CFAP251: variants seen among roughly 807,000 people sequenced by gnomAD.
CFAP251 encodes cilia- and flagella-associated protein 251.
Under a neutral mutation model 126.7 loss-of-function variants are expected in CFAP251, and 93 were observed. The observed-to-expected ratio is 0.73, with a 90% CI of 0.62 to 0.87. The LOEUF is 0.87. Ranked by LOEUF, CFAP251 falls within the 40% of genes least tolerant of loss-of-function variation. The pLI, the probability that CFAP251 is intolerant of heterozygous loss-of-function variation, is 0.00. For missense variants in CFAP251, 1,287 were observed against 1,389.2 expected, an observed-to-expected ratio of 0.93 and a Z score of 1.17; for synonymous variants, 503 against 506.9, an observed-to-expected ratio of 0.99 and a Z score of 0.10.
Position 121,918,939 on chromosome 12 carries a change from G to A in CFAP251, c.-21+244G>A, listed in dbSNP as rs1880034457. Reference sequence around the variant, plus strand: ...GCGGCTCGAACCCGGCTGTCCAGACGCGCCGGCGAAGTTGGGCTCAGTCAA... The same window carrying A: ...GCGGCTCGAACCCGGCTGTCCAGACACGCCGGCGAAGTTGGGCTCAGTCAA... On this transcript the variant is annotated intron_variant, in intron 1 of 21. Coordinates refer to ENST00000288912, the MANE Select transcript of CFAP251 (RefSeq NM_144668.6). This position sits in a 1 kb window ranked among gnomAD's most constrained non-coding sequence, Gnocchi z 4.3. Among the ~76,000 whole-genome samples the A allele has an allele frequency of 1.3e-5, 2 of 152,082 alleles. No homozygotes were observed. Among genetic ancestry groups the A allele is most frequent in the Non-Finnish European group, 2.9e-5 (2 of 68,008 alleles).
intron 1 of CFAP251, 114 bp from the exon 2 acceptor site, chr12:121,921,172 C>T: frequency 8.5e-7 from 1 of 1,181,484 alleles, no homozygotes; most frequent in Non-Finnish European, 1.2e-6. Flanking sequence ...TCTTTTTATT[C>T]CTATGGAAAG....
intron 10 of CFAP251, among the ~76,000 whole-genome samples, 171 bp from the exon 11 acceptor site, chr12:121,956,903 G>A (rs1426581147): frequency 6.6e-6 from 1 of 152,084 alleles, no homozygotes; most frequent in African/African-American, 2.4e-5. Context: ...CTCTCTGAAA[G>A]TTAGTTTCCT....
chr12:121,964,472 T>C (rs1882054026), intron 15 of CFAP251, among the ~76,000 whole-genome samples: 2 of 152,154 alleles, frequency 1.3e-5, no homozygotes, highest in African/African-American at 4.8e-5. Flanking sequence ...AGTCATTCAC[T>C]GGAGGAAAGA....
chr12:121,942,816 G>A, intron 6 of CFAP251, 79 bp from the exon 7 acceptor site: 1 of 1,502,364 alleles, frequency 6.7e-7, no homozygotes, highest in Non-Finnish European at 9.3e-7. Context: ...TGAAGTTTTG[G>A]GGTCACCACA....
At chr12:121,992,226 G>A (rs1882892790) in intron 19 of CFAP251, 2 of 985,304 alleles carry the variant, frequency 2.0e-6, no homozygotes, top group Non-Finnish European at 2.4e-6. Flanking sequence ...CCAGCTCCGA[G>A]GTTCCTCTCC....
At position 121,975,240 on chromosome 12, in the gene CFAP251, C is replaced by T; in HGVS notation, c.2772-4C>T. On this transcript the variant is annotated splice_region_variant and splice_polypyrimidine_tract_variant and intron_variant, in intron 17 of 21. Transcript: ENST00000288912. Reference sequence around the variant, plus strand: ...TAATAGAGACATTTCTGTTGTTGTTCCAGTGTCCTGGAGGCAGCGGTTTCT... The same window carrying T: ...TAATAGAGACATTTCTGTTGTTGTTTCAGTGTCCTGGAGGCAGCGGTTTCT... The T allele has an allele frequency of 1.2e-6, 2 of 1,613,522 alleles. No individual in the cohort carries two copies. Among genetic ancestry groups the T allele is most frequent in the Non-Finnish European group, 1.7e-6 (2 of 1,179,668 alleles).
chr12:121,962,238 T>C lies in CFAP251; in HGVS notation c.2492+76T>C, dbSNP rs576511768. On this transcript the variant is annotated intron_variant, in intron 15 of 21. Coordinates refer to ENST00000288912, the MANE Select transcript of CFAP251 (RefSeq NM_144668.6). ...CCCCAACCTGTTTCAGGTCTCCACA[T>C]AGGGACCTGCAGGCAGCTTGGCTAC... The C allele has an allele frequency of 7.0e-4, 976 of 1,401,938 alleles. 1 individual carries two copies. The highest frequency in any genetic ancestry group is 8.4e-4 in the Non-Finnish European group (859 of 1,017,426). 86.8% of individuals were successfully genotyped at this position (1,401,938 alleles called of 1,614,324 possible). A position where few individuals can be genotyped will look rare whatever the true frequency, so the allele number is the denominator to read the frequency against.
chr12:122,001,684 G>A, intron 21 of CFAP251, 86 bp downstream of exon 21: 2 of 1,008,618 alleles, frequency 2.0e-6, no homozygotes, highest in South Asian at 1.3e-5. Context: ...CCTGATCGGT[G>A]CAAGCCACTC....
At chr12:121,928,638 G>GTA (rs57700530) in intron 3 of CFAP251, among the ~76,000 whole-genome samples, 405 of 33,348 alleles carry the variant, frequency 0.012, 17 homozygotes, top group Middle Eastern at 0.053. Flanking sequence ...ATATATATAC[G>GTA]TATATATATA....
At chr12:121,939,447 A>G (rs189633554) in intron 5 of CFAP251, among the ~76,000 whole-genome samples, 2 of 152,302 alleles carry the variant, frequency 1.3e-5, no homozygotes, top group Non-Finnish European at 2.9e-5. Flanking sequence ...CAGAAGGGTC[A>G]GAGTCCTTCA....
intron 3 of CFAP251, among the ~76,000 whole-genome samples, chr12:121,926,965 C>T (rs1207988075): frequency 6.6e-6 from 1 of 152,018 alleles, no homozygotes; most frequent in African/African-American, 2.4e-5. Context: ...CAAACAAAAA[C>T]TATTCAGGAT....
chr12:121,998,960 A>C (rs1163770637), intron 19 of CFAP251: 1 of 140,996 alleles, frequency 7.1e-6, no homozygotes, highest in Admixed American at 7.2e-5. Context: ...TTTTTTTCTG[A>C]TCTTAGGAGG....
intron 3 of CFAP251, among the ~76,000 whole-genome samples, chr12:121,928,622 A>ATG (rs79395212): frequency 2.5e-4 from 13 of 52,558 alleles, no homozygotes; most frequent in African/African-American, 9.2e-4. Context: ...TTTTATGTAT[A>ATG]TGTGTATATA....
Position 121,966,970 on chromosome 12 carries a change from G to C in CFAP251, c.2508G>C (p.Gly836=). The part of the protein sequence containing the change: ...TTKMCRKTLL[G]PAYGSPIEQT... The stretch of plus-strand genomic sequence containing the variant: ...TTGCCTTCAGAAAGACGCTTCTGGG[G>C]CCAGCTTATGGTTCCCCTATTGAGC... The change falls in exon 16 of 22, where the codon GGG becomes GGC. Residue 836 remains glycine (G), a synonymous_variant. Transcript: ENST00000288912. 1 of 1,614,132 alleles carries C rather than the reference G, an allele frequency of 6.2e-7. No homozygotes were observed. Among genetic ancestry groups the C allele is most frequent in the Non-Finnish European group, 8.5e-7 (1 of 1,180,006 alleles).
intron 7 of CFAP251, among the ~76,000 whole-genome samples, chr12:121,943,288 C>T (rs2948663): frequency 6.6e-6 from 1 of 152,008 alleles, no homozygotes; most frequent in African/African-American, 2.4e-5. Flanking sequence ...ACTCCAGCCT[C>T]GGTGACAAAG....
At chr12:122,001,746 A>G in intron 21 of CFAP251, 148 bp downstream of exon 21, 1 of 675,058 alleles carries the variant, frequency 1.5e-6, no homozygotes, top group Non-Finnish European at 2.7e-6. Context: ...CCACATGAAT[A>G]AGTTATGAAA....
At chr12:122,000,791 A>G (rs1268806817) in intron 20 of CFAP251, among the ~76,000 whole-genome samples, 3 of 152,066 alleles carry the variant, frequency 2.0e-5, no homozygotes, top group South Asian at 2.1e-4. Flanking sequence ...ATGCTGTCCT[A>G]TTTCTCTATG....
At chr12:121,995,697 G>C (rs1883005395) in intron 19 of CFAP251, among the ~76,000 whole-genome samples, 2 of 152,020 alleles carry the variant, frequency 1.3e-5, no homozygotes, top group Non-Finnish European at 2.9e-5. Flanking sequence ...TGTTGCCCAG[G>C]CTGGTCTCAA....
intron 3 of CFAP251, among the ~76,000 whole-genome samples, chr12:121,924,881 AC>A (rs1210082495): frequency 6.6e-6 from 1 of 152,098 alleles, no homozygotes; most frequent in African/African-American, 2.4e-5. Context: ...GTGCTATTTC[AC>A]GTGGGAGATC....
Sources: allele counts gnomAD v4.1 joint callset (sites outside exome capture counted in the v4.1 genomes callset), GRCh38; gene constraint gnomAD v4.1.1; non-coding constraint Gnocchi (gnomAD v3.1); transcripts MANE v1.5; gene names NCBI Gene and HGNC (gene_info 2026-07-23, HGNC 2026-07-21).